The following MCC variants were observed in gnomAD, a reference collection of about 807,000 sequenced individuals.
MCC encodes the protein MCC regulator of Wnt signaling pathway, also known as colorectal mutant cancer protein.
A neutral mutation model predicts 116.2 loss-of-function variants in MCC; 90 were observed. The observed-to-expected ratio is 0.77, with a 90% CI of 0.65 to 0.92. The LOEUF (loss-of-function observed/expected upper bound fraction) is 0.92, where lower values mean the gene tolerates loss of function less well. Ranked by LOEUF, MCC falls within the 40% of genes least tolerant of loss-of-function variation. The pLI is 0.00. For synonymous variants in MCC, 578 were observed against 510.5 expected, an observed-to-expected ratio of 1.13 and a Z score of -1.78; for missense variants, 1,516 against 1,312.2, an observed-to-expected ratio of 1.16 and a Z score of -2.40.
chr5:113,469,435 T>C (rs992295081), intron 1 of MCC, among the ~76,000 whole-genome samples: 7 of 152,260 alleles, frequency 4.6e-5, no homozygotes, highest in African/African-American at 1.4e-4. Context: ...TTCATTTTAC[T>C]ATTTACCCAG....
At chr5:113,070,220 C>T (rs1254797531) in intron 12 of MCC, among the ~76,000 whole-genome samples, 2 of 152,146 alleles carry the variant, frequency 1.3e-5, no homozygotes, top group African/African-American at 4.8e-5. Context: ...TTAAACAATA[C>T]CGAACTTTTT....
chr5:113,279,756 C>T (rs1367905753), intron 3 of MCC, among the ~76,000 whole-genome samples: 1 of 152,164 alleles, frequency 6.6e-6, no homozygotes, highest in Non-Finnish European at 1.5e-5. Flanking sequence ...GGACAATATA[C>T]ATTTAACAAT....
At chr5:113,340,969 C>T (rs1373066138) in intron 2 of MCC, among the ~76,000 whole-genome samples, 2 of 152,146 alleles carry the variant, frequency 1.3e-5, no homozygotes, top group African/African-American at 2.4e-5. Context: ...TATGTGCTCC[C>T]TAAACAGAAA....
intron 6 of MCC, among the ~76,000 whole-genome samples, chr5:113,107,208 C>CTTTTTTTTTTTTTTTTTT (rs746820475): frequency 8.0e-6 from 1 of 125,070 alleles, no homozygotes; most frequent in Non-Finnish European, 1.6e-5. Flanking sequence ...GCATGTTTTT[C>CTTTTTTTTTTTTTTTTTT]TTTTTTTTTT....
intron 2 of MCC, among the ~76,000 whole-genome samples, chr5:113,375,058 A>G (rs11750945): frequency 0.19 from 28,032 of 151,300 alleles, 3,115 homozygotes; most frequent in Admixed American, 0.31. Context: ...CCCACACCCA[A>G]CCACAGCTAT....
At chr5:113,301,390 A>G (rs1193451466) in intron 3 of MCC, among the ~76,000 whole-genome samples, 3 of 152,092 alleles carry the variant, frequency 2.0e-5, no homozygotes, top group African/African-American at 7.2e-5. Context: ...GCTTGAACAC[A>G]GGAGGCAGAG....
At chr5:113,177,296 GC>G (rs758276150) in intron 3 of MCC, among the ~76,000 whole-genome samples, 12 of 152,218 alleles carry the variant, frequency 7.9e-5, no homozygotes, top group Non-Finnish European at 1.3e-4. Context: ...CTAGCACTGT[GC>G]CTGGCACAAA....
chr5:113,077,224 A>G (rs1045104902), intron 11 of MCC, among the ~76,000 whole-genome samples: 3 of 152,298 alleles, frequency 2.0e-5, no homozygotes, highest in African/African-American at 7.2e-5. Flanking sequence ...TTAACACCCT[A>G]CTGTCAACAT....
intron 17 of MCC, among the ~76,000 whole-genome samples, chr5:113,034,833 G>C (rs975977367): frequency 6.6e-6 from 1 of 152,212 alleles, no homozygotes; most frequent in Non-Finnish European, 1.5e-5. Flanking sequence ...CTGCAGGGCT[G>C]ACAGCCTCTT....
chr5:113,365,182 C>T (rs6594710), intron 2 of MCC, among the ~76,000 whole-genome samples: 67,071 of 152,022 alleles, frequency 0.44, 16,259 homozygotes, highest in African/African-American at 0.64. Flanking sequence ...TTTTATGTCA[C>T]TTTTCTGCTC....
At chr5:113,065,502 C>G (rs921508168) in intron 13 of MCC, among the ~76,000 whole-genome samples, 1 of 152,182 alleles carries the variant, frequency 6.6e-6, no homozygotes, top group Admixed American at 6.5e-5. Flanking sequence ...ATAGAAAATG[C>G]TATCCTAACA....
At chr5:113,267,440 A>C (rs1372977088) in intron 3 of MCC, among the ~76,000 whole-genome samples, 3 of 152,234 alleles carry the variant, frequency 2.0e-5, no homozygotes, top group African/African-American at 7.2e-5. Flanking sequence ...CATATACATT[A>C]TCTCATCTTC....
In MCC at chr5:113,384,491, G is replaced by A. The variant is rs1445467125; in HGVS notation, c.415+477C>T. ...TAGTCCCAGCTACTCAGGAGACTGA[G>A]GCAGGAGAAAGGCGGGAACCCGGGA... On this transcript the variant is annotated intron_variant, in intron 2 of 18. Coordinates refer to ENST00000408903, the MANE Select transcript of MCC (RefSeq NM_001085377.2). Among the ~76,000 whole-genome samples, 3 of 152,144 alleles carry A rather than the reference G, an allele frequency of 2.0e-5. No homozygotes were observed. In the East Asian group the frequency reaches 5.8e-4, roughly 29 times the overall value.
rs577614102 is a variant in MCC, at chr5:113,347,108, A to G, written c.416-6378T>C. 7.5e-4 allele frequency among the ~76,000 whole-genome samples: 114 copies of G among 152,308 alleles called. 1 individual carries two copies. The Middle Eastern group carries it at 0.014, about 18-fold the overall frequency. On this transcript the variant is annotated intron_variant, in intron 2 of 18. Coordinates refer to ENST00000408903, the MANE Select transcript of MCC (RefSeq NM_001085377.2). ...TAAAGGATATTCTTTAATCTGAAAGAAAAGGATATTAATGAGCAACAAGTG... is the reference window on the plus strand; with the variant it reads ...TAAAGGATATTCTTTAATCTGAAAGGAAAGGATATTAATGAGCAACAAGTG...
rs143792096 is a variant in MCC, at chr5:113,212,669, A to G, written c.628-61247T>C. Among the ~76,000 whole-genome samples the G allele has an allele frequency of 1.2e-4, 19 of 152,102 alleles. No homozygotes were observed. The East Asian group carries it at 3.3e-3, about 26-fold the overall frequency. ...TGCAGTTTTATTCTCTCACTTCCCA[A>G]CCTCTTAAGCCAAAGAAATGAGAAG... On this transcript the variant is annotated intron_variant, in intron 3 of 18. Coordinates refer to ENST00000408903, the MANE Select transcript of MCC (RefSeq NM_001085377.2).
chr5:113,044,453 T>G, intron 16 of MCC: 1 of 978,292 alleles, frequency 1.0e-6, no homozygotes, highest in Middle Eastern at 5.3e-4. Flanking sequence ...CACTACATAG[T>G]ACCATGGCTG....
At chr5:113,053,306 C>A (rs6594670) in intron 15 of MCC, among the ~76,000 whole-genome samples, 142,625 of 152,218 alleles carry the variant, frequency 0.94, 67,194 homozygotes, top group East Asian at 1. Flanking sequence ...TGTCAGGAAA[C>A]TAGGGCTCTC....
chr5:113,161,293 C>T (rs1760468256), intron 3 of MCC, among the ~76,000 whole-genome samples: 1 of 152,130 alleles, frequency 6.6e-6, no homozygotes, highest in African/African-American at 2.4e-5. Flanking sequence ...AATCAGGGGA[C>T]ATGAATATTT....
chr5:113,274,945 G>C (rs1765768199), intron 3 of MCC, among the ~76,000 whole-genome samples: 3 of 152,146 alleles, frequency 2.0e-5, no homozygotes, highest in Admixed American at 2.0e-4. Flanking sequence ...GACACCTCCT[G>C]CACCATGCCT....
Sources: allele counts gnomAD v4.1 joint callset (sites outside exome capture counted in the v4.1 genomes callset), GRCh38; gene constraint gnomAD v4.1.1; transcripts MANE v1.5; gene names NCBI Gene and HGNC (gene_info 2026-07-23, HGNC 2026-07-21).